ELL2: variants seen among roughly 807,000 people sequenced by gnomAD.
ELL2 encodes RNA polymerase II elongation factor ELL2.
ELL2 carries 21 observed loss-of-function variants against 72.8 expected under a neutral mutation model. The observed-to-expected ratio is 0.29, with a 90% CI of 0.20 to 0.42. ELL2 has a LOEUF of 0.42. Ranked by LOEUF, ELL2 falls within the 10% of genes least tolerant of loss-of-function variation. The pLI, the probability that ELL2 is intolerant of heterozygous loss-of-function variation, is 1.00. For synonymous variants in ELL2, 266 were observed against 283.2 expected (o/e 0.94, Z 0.61); for missense variants, 568 against 772.8 (o/e 0.73, Z 3.14).
chr5:95,913,761 C>A lies in ELL2; in HGVS notation c.481+10G>T. 1 of 1,583,616 alleles carries A rather than the reference C, an allele frequency of 6.3e-7. No individual in the cohort carries two copies. The highest frequency in any genetic ancestry group is 8.6e-7 in the Non-Finnish European group (1 of 1,167,478). On this transcript the variant is annotated intron_variant, in intron 4 of 11. Transcript: ENST00000237853. ...CAATCAGCAAGAGGAAGAAAGATATCTATACAAACCTACATATGGTCCACC... is the reference window on the plus strand; with the variant it reads ...CAATCAGCAAGAGGAAGAAAGATATATATACAAACCTACATATGGTCCACC...
intron 8 of ELL2, among the ~76,000 whole-genome samples, chr5:95,896,799 A>C (rs986482774): frequency 6.6e-6 from 1 of 152,288 alleles, no homozygotes; most frequent in East Asian, 1.9e-4. Context: ...AAAGAGACTA[A>C]GTCTGCTTCT....
Position 95,906,683 on chromosome 5 carries a change from T to C in ELL2, c.581A>G (p.Lys194Arg), listed in dbSNP as rs1370634949. 6.2e-7 allele frequency: 1 copy of C among 1,614,008 alleles called. No homozygotes were observed. The highest frequency in any genetic ancestry group is 8.5e-7 in the Non-Finnish European group (1 of 1,179,990). ...TPMNPANTIR[K>R]THSSSTISQR... ...AGAGATGGTGCTGCTGCTATGTGTC[T>C]TTCGAATTGTATTTGCAGGGTTCAT... is the stretch of plus-strand genomic sequence containing the variant. The change falls in exon 5 of 12, where the codon AAG (lysine) becomes AGG (arginine). Residue 194 changes from lysine (K) to arginine (R), a missense_variant. Physicochemically the swap from Lys to Arg is conservative, Grantham distance 26 (BLOSUM62 2). Coordinates refer to ENST00000237853, the MANE Select transcript of ELL2 (RefSeq NM_012081.6).
chr5:95,919,687 T>C (rs777044312), intron 2 of ELL2, 142 bp from the exon 3 acceptor site: 22 of 945,988 alleles, frequency 2.3e-5, no homozygotes, highest in Non-Finnish European at 3.1e-5. Context: ...AGCATTTAAA[T>C]GACCAAACAA....
At chr5:95,939,739 A>G (rs1750902086) in intron 2 of ELL2, among the ~76,000 whole-genome samples, 1 of 152,234 alleles carries the variant, frequency 6.6e-6, no homozygotes, top group Non-Finnish European at 1.5e-5. Context: ...CACCTGTCAC[A>G]TTTTCAGTAC....
intron 1 of ELL2, among the ~76,000 whole-genome samples, chr5:95,952,726 C>T (rs1226798949): frequency 6.6e-6 from 1 of 152,104 alleles, no homozygotes; most frequent in Non-Finnish European, 1.5e-5. Context: ...TATTGGAAAT[C>T]AGTACTTGGA....
In ELL2 at chr5:95,906,537, C is replaced by T; in HGVS notation, c.727G>A (p.Ala243Thr). 6.2e-7 allele frequency: 1 copy of T among 1,612,328 alleles called. No individual in the cohort carries two copies. The highest frequency in any genetic ancestry group is 8.5e-7 in the Non-Finnish European group (1 of 1,178,656). The stretch of plus-strand genomic sequence containing the variant: ...GCTGTCCTCACCTGTTGCAGAATTG[C>T]TCCCAGGGAGTTCTTGTCTTTTTGA... ...VNQKDKNSLG[A>T]ILQQVANLNS... Residue 243 changes from alanine to threonine, a missense_variant, in exon 5 of 12, where the codon GCA becomes ACA. Around this residue, in one of 2 missense-constraint regions of ELL2, gnomAD observed 511 missense variants for 728.4 expected, o/e 0.70. Transcript: ENST00000237853.
intron 5 of ELL2, among the ~76,000 whole-genome samples, chr5:95,901,487 C>G (rs1201636736): frequency 6.6e-6 from 1 of 152,118 alleles, no homozygotes; most frequent in Non-Finnish European, 1.5e-5. Flanking sequence ...GTAACGAACC[C>G]TATATATACT....
chr5:95,948,338 G>A (rs946968250), intron 1 of ELL2, among the ~76,000 whole-genome samples: 1 of 149,704 alleles, frequency 6.7e-6, no homozygotes, highest in Non-Finnish European at 1.5e-5. Flanking sequence ...GCTGAGGCAG[G>A]AGAATGGCGT....
At chr5:95,918,845 G>A (rs1046866092) in intron 3 of ELL2, among the ~76,000 whole-genome samples, 2 of 151,548 alleles carry the variant, frequency 1.3e-5, no homozygotes, top group Non-Finnish European at 2.9e-5. Flanking sequence ...GTACCCTAGG[G>A]TGTGGGTGTG....
rs1264503791 is a variant in ELL2 at position 95,895,638 on chromosome 5, C to G, written c.1579G>C (p.Asp527His). 6.2e-7 allele frequency: 1 copy of G among 1,613,986 alleles called. No individual in the cohort carries two copies. The highest frequency in any genetic ancestry group is 1.7e-5 in the Admixed American group (1 of 60,022). ...GACATATGAACTTACATCAAATAAT[C>G]TGGGAGTTCAATTGCTGAAGGTTCC... is the stretch of plus-strand genomic sequence containing the variant. ...SMEPSAIELP[D>H]YLIKYIAIVS... Residue 527 changes from aspartate to histidine, a missense_variant, in exon 9 of 12, where the codon GAT becomes CAT. Transcript: ENST00000237853.
At position 95,961,819 on chromosome 5, in the gene ELL2, G is replaced by A. The variant is rs1298254652; in HGVS notation, c.-98C>T. On this transcript the variant is annotated 5_prime_UTR_variant, in exon 1 of 12. Coordinates refer to ENST00000237853, the MANE Select transcript of ELL2 (RefSeq NM_012081.6). ...CTTCTGCAGCCGCCGCCACTGCTAG[G>A]GCCATCCCGCTGCTGACGTACTGTC... 61 of 1,420,514 alleles carry A rather than the reference G, an allele frequency of 4.3e-5. No homozygotes were observed. The highest frequency in any genetic ancestry group is 5.4e-5 in the Non-Finnish European group (58 of 1,077,646). The allele number at this position is 1,420,514 out of a possible 1,614,324, so 88.0% of individuals were successfully genotyped here.
chr5:95,916,042 G>A (rs1487060504), intron 3 of ELL2, among the ~76,000 whole-genome samples: 1 of 151,770 alleles, frequency 6.6e-6, no homozygotes, highest in Non-Finnish European at 1.5e-5. Context: ...AGGCCACTTA[G>A]GATGCTACTG....
chr5:95,951,213 C>CA (rs1183631390), intron 1 of ELL2, among the ~76,000 whole-genome samples: 1 of 150,974 alleles, frequency 6.6e-6, no homozygotes, highest in Non-Finnish European at 1.5e-5. Context: ...ACTAAAAATA[C>CA]AAAAAATTAG....
intron 1 of ELL2, among the ~76,000 whole-genome samples, chr5:95,955,657 T>C (rs1751601983): frequency 6.6e-6 from 1 of 152,222 alleles, no homozygotes; most frequent in South Asian, 2.1e-4. Context: ...ACTCCAGAAC[T>C]GCGGTAAATT....
At chr5:95,916,325 T>C (rs962337717) in intron 3 of ELL2, among the ~76,000 whole-genome samples, 3 of 152,024 alleles carry the variant, frequency 2.0e-5, no homozygotes, top group Non-Finnish European at 4.4e-5. Context: ...GTGTTGGAGA[T>C]GGTGACCTTG....
intron 9 of ELL2, 25 bp from the exon 10 acceptor site, chr5:95,891,299 GAGT>G (rs757250416): frequency 6.3e-7 from 1 of 1,587,590 alleles, no homozygotes; most frequent in Admixed American, 1.8e-5. Context: ...GATAAATGGA[GAGT>G]AGCTACCCAA....
At chr5:95,890,271 A>G (rs1374788113) in intron 10 of ELL2, among the ~76,000 whole-genome samples, 2 of 152,170 alleles carry the variant, frequency 1.3e-5, no homozygotes, top group Non-Finnish European at 2.9e-5. Context: ...AAGGCCCTCT[A>G]GTAGAAGACA....
intron 9 of ELL2, 80 bp downstream of exon 9, chr5:95,895,548 G>C: frequency 7.3e-7 from 1 of 1,370,744 alleles, no homozygotes; most frequent in Non-Finnish European, 1.0e-6. Context: ...TTACTTTTCT[G>C]ATTTGCAAAT....
chr5:95,894,253 A>C (rs1032479496), intron 9 of ELL2, among the ~76,000 whole-genome samples: 3 of 152,236 alleles, frequency 2.0e-5, no homozygotes, highest in Admixed American at 6.5e-5. Context: ...AAACAAAAAA[A>C]GGGGGGATTA....
Sources: gnomAD v4.1 joint callset for allele counts (sites outside exome capture counted in the v4.1 genomes callset) on GRCh38, gnomAD v4.1.1 for gene constraint, gnomAD v4.1.1 regional missense constraint, MANE v1.5 for transcripts, NCBI Gene and HGNC (gene_info 2026-07-23, HGNC 2026-07-21) for gene names.